TRAPPC9: variants seen among roughly 807,000 people sequenced by gnomAD.
TRAPPC9 encodes the protein IKK2 binding protein.
TRAPPC9 carries 83 observed loss-of-function variants against 124.0 expected under a neutral mutation model. That is an observed-to-expected ratio of 0.67 (90% CI 0.56 to 0.80). The LOEUF is 0.80. Among genes scored for constraint, TRAPPC9 ranks in the 30% least tolerant of loss-of-function variants. TRAPPC9 has a pLI of 0.00. For synonymous variants in TRAPPC9, 638 were observed against 617.5 expected, an observed-to-expected ratio of 1.03 and a Z score of -0.49; for missense variants, 1,302 against 1,508.3, an observed-to-expected ratio of 0.86 and a Z score of 2.27.
At position 140,106,903 on chromosome 8, in the gene TRAPPC9, C is replaced by T. The variant is rs116814828; in HGVS notation, c.2557-82824G>A. On this transcript the variant is annotated intron_variant, in intron 17 of 22. Transcript: ENST00000438773. ...TACATCCCTGGCAATTAGCAAAGTG[C>T]CTGGCACATAATACAGTCTTAATAA... is the stretch of plus-strand genomic sequence containing the variant. 8.0e-3 allele frequency among the ~76,000 whole-genome samples: 1,219 copies of T among 152,264 alleles called. 21 individuals are homozygous for T. The highest frequency in any genetic ancestry group is 0.027 in the African/African-American group (1,130 of 41,552).
At chr8:140,424,568 G>A (rs982357248) in intron 5 of TRAPPC9, among the ~76,000 whole-genome samples, 5 of 150,974 alleles carry the variant, frequency 3.3e-5, no homozygotes, top group African/African-American at 7.3e-5. Flanking sequence ...GTTCAAGGGC[G>A]CAGTGAGCTA....
At chr8:140,000,253 A>G (rs1018183681) in intron 18 of TRAPPC9, among the ~76,000 whole-genome samples, 1 of 152,214 alleles carries the variant, frequency 6.6e-6, no homozygotes, top group Non-Finnish European at 1.5e-5. Flanking sequence ...AAAGACTTCA[A>G]TGTAAGACCT....
chr8:139,914,865 C>T (rs922536279), intron 19 of TRAPPC9: 5 of 152,408 alleles, frequency 3.3e-5, no homozygotes, highest in Middle Eastern at 3.4e-3. Context: ...CACATCCCTC[C>T]TCGTCCTGGG....
intron 16 of TRAPPC9, among the ~76,000 whole-genome samples, chr8:140,245,008 G>A (rs2063946310): frequency 1.3e-5 from 2 of 151,830 alleles, no homozygotes; most frequent in Admixed American, 1.3e-4. Context: ...GTTTCACCAT[G>A]TTGGCCAGGA....
intron 20 of TRAPPC9, among the ~76,000 whole-genome samples, chr8:139,901,018 T>TAAA (rs374122670): frequency 2.6e-5 from 4 of 151,142 alleles, no homozygotes; most frequent in African/African-American, 7.3e-5. Flanking sequence ...AATAAATAAA[T>TAAA]AAAAATAAAA....
intron 9 of TRAPPC9, among the ~76,000 whole-genome samples, chr8:140,350,603 T>C (rs959923163): frequency 2.0e-5 from 3 of 151,770 alleles, no homozygotes; most frequent in African/African-American, 4.8e-5. Context: ...GCGGCGGGTA[T>C]GATGCAGAAG....
At chr8:140,085,303 T>C (rs1056154179) in intron 17 of TRAPPC9, among the ~76,000 whole-genome samples, 6 of 148,298 alleles carry the variant, frequency 4.0e-5, no homozygotes, top group African/African-American at 1.5e-4. Flanking sequence ...GGGTTCCTGC[T>C]GCATAAGTAT....
chr8:139,964,330 A>G (rs1180525907), intron 19 of TRAPPC9, among the ~76,000 whole-genome samples: 1 of 152,000 alleles, frequency 6.6e-6, no homozygotes, highest in Non-Finnish European at 1.5e-5. Context: ...CCAGACTGAC[A>G]GATGGATGGT....
Position 139,831,925 on chromosome 8 carries a change from C to G in TRAPPC9, c.3055+53954G>C, listed in dbSNP as rs191002884. Among the ~76,000 whole-genome samples the G allele has an allele frequency of 3.0e-3, 453 of 152,328 alleles. 2 individuals are homozygous for G. Among genetic ancestry groups the G allele is most frequent in the Non-Finnish European group, 4.6e-3 (311 of 68,032 alleles). On this transcript the variant is annotated intron_variant, in intron 21 of 22. Transcript: ENST00000438773. ...CTCCGTCACGTTGCCTTGAGTAGCCCCATTGTCCTGGCTACGTTTCAGAGT... is the reference window on the plus strand; with the variant it reads ...CTCCGTCACGTTGCCTTGAGTAGCCGCATTGTCCTGGCTACGTTTCAGAGT...
chr8:140,087,156 T>C lies in TRAPPC9; in HGVS notation c.2557-63077A>G, dbSNP rs554185482. ...TTGTCTTCCTGACGTTCTCAGCAGC[T>C]GTCATTTGCTCCTAAGCCACGCCCC... On this transcript the variant is annotated intron_variant, in intron 17 of 22. Coordinates refer to ENST00000438773, the MANE Select transcript of TRAPPC9 (RefSeq NM_001160372.4). This position sits in a 1 kb window ranked among gnomAD's most constrained non-coding sequence, Gnocchi z 4.6. Among the ~76,000 whole-genome samples, 317 of 152,302 alleles carry C rather than the reference T, an allele frequency of 2.1e-3. 5 individuals are homozygous for C. The highest frequency in any genetic ancestry group is 2.9e-3 in the Non-Finnish European group (198 of 68,022).
rs532503737 is a variant in TRAPPC9 at position 140,058,946 on chromosome 8, G to A, written c.2557-34867C>T. Among the ~76,000 whole-genome samples the A allele has an allele frequency of 1.7e-4, 26 of 152,276 alleles. 1 individual carries two copies. In the South Asian group the frequency reaches 2.7e-3, roughly 16 times the overall value. ...GAAACTCCTGGGAGGCTGGTTCTGCGTTGTTGCTGCTGCTGTTTTTAAATC... is the reference window on the plus strand; with the variant it reads ...GAAACTCCTGGGAGGCTGGTTCTGCATTGTTGCTGCTGCTGTTTTTAAATC... On this transcript the variant is annotated intron_variant, in intron 17 of 22. Transcript: ENST00000438773.
intron 9 of TRAPPC9, among the ~76,000 whole-genome samples, chr8:140,333,452 G>A (rs1408032069): frequency 1.3e-5 from 2 of 152,320 alleles, no homozygotes; most frequent in East Asian, 3.9e-4. Flanking sequence ...GAGTGCAATG[G>A]TGCGATCTCA....
intron 17 of TRAPPC9, among the ~76,000 whole-genome samples, chr8:140,153,628 TATATTAC>T (rs1251862297): frequency 1.3e-5 from 2 of 152,206 alleles, no homozygotes. Context: ...CTGCGTATAG[TATATTAC>T]ATATGGCATT....
intron 1 of TRAPPC9, among the ~76,000 whole-genome samples, chr8:140,454,232 T>C (rs2071571532): frequency 6.6e-6 from 1 of 151,840 alleles, no homozygotes. Context: ...GAGGAGGCAG[T>C]GAGCCAAGAT....
At chr8:139,877,550 C>T (rs1421446735) in intron 21 of TRAPPC9, among the ~76,000 whole-genome samples, 2 of 152,104 alleles carry the variant, frequency 1.3e-5, no homozygotes, top group Non-Finnish European at 2.9e-5. Flanking sequence ...CCAGCCCTGC[C>T]CTCTGCCTCC....
intron 21 of TRAPPC9, among the ~76,000 whole-genome samples, chr8:139,736,370 CAAT>C (rs796306771): frequency 5.3e-5 from 8 of 152,346 alleles, no homozygotes; most frequent in African/African-American, 1.9e-4. Context: ...CTGGCATCCA[CAAT>C]GACTGCCGAC....
At chr8:140,268,242 G>A (rs972174305) in intron 15 of TRAPPC9, among the ~76,000 whole-genome samples, 12 of 94,172 alleles carry the variant, frequency 1.3e-4, no homozygotes, top group Admixed American at 1.1e-3. Context: ...ATCCATAACC[G>A]AGTCCTATAC....
At chr8:139,945,456 C>T (rs1336870723) in intron 19 of TRAPPC9, among the ~76,000 whole-genome samples, 4 of 134,192 alleles carry the variant, frequency 3.0e-5, no homozygotes. Context: ...AAAGCAAAAA[C>T]TGACACAATT....
intron 8 of TRAPPC9, among the ~76,000 whole-genome samples, chr8:140,370,187 T>C (rs2068241192): frequency 6.6e-6 from 1 of 152,058 alleles, no homozygotes; most frequent in Non-Finnish European, 1.5e-5. Flanking sequence ...TCGCCCAGGC[T>C]GGAGTGCAGT....
Sources: gnomAD v4.1 joint callset for allele counts (sites outside exome capture counted in the v4.1 genomes callset) on GRCh38, gnomAD v4.1.1 for gene constraint, Gnocchi (gnomAD v3.1) non-coding constraint, MANE v1.5 for transcripts, NCBI Gene and HGNC (gene_info 2026-07-23, HGNC 2026-07-21) for gene names.